NT5DC2: variants seen among roughly 807,000 people sequenced by gnomAD.
The protein encoded by NT5DC2 is 5'-nucleotidase domain-containing protein 2.
In NT5DC2, 41 loss-of-function variants were observed where a neutral mutation model predicts 70.0. The ratio of observed to expected loss-of-function variants is 0.59; its 90% CI spans 0.46 to 0.76. NT5DC2 has a LOEUF of 0.76. Among genes scored for constraint, NT5DC2 ranks in the 30% least tolerant of loss-of-function variants. The pLI, the probability that NT5DC2 is intolerant of heterozygous loss-of-function variation, is 0.00. For missense variants in NT5DC2, 705 were observed against 783.2 expected, an observed-to-expected ratio of 0.90 and a Z score of 1.19; for synonymous variants, 299 against 310.4, an observed-to-expected ratio of 0.96 and a Z score of 0.39.
At position 52,524,518 on chromosome 3, in the gene NT5DC2, G is replaced by A. The variant is rs115820212; in HGVS notation, c.1626C>T (p.Thr542=). Residue 542 remains threonine, a synonymous_variant, in exon 14 of 14, where the codon ACC becomes ACT. Transcript: ENST00000422318. ...CAAGGAAGGGGGTCTTCATGCAGCC[G>A]GTGCAGAGCTGGTCCATCCAGAGGG... ...EAPLWMDQLC[T]GCMKTPFLGD... is the part of the protein sequence containing the mutation. 1,741 of 1,612,960 alleles carry A rather than the reference G, an allele frequency of 1.1e-3. 35 individuals carry two copies. The African/African-American group carries it at 0.012, about 11-fold the overall frequency.
rs374272000 is a variant in NT5DC2 at position 52,528,744 on chromosome 3, GC to G, written c.493-53del. The G allele has an allele frequency of 3.7e-6, 6 of 1,606,136 alleles. No individual in the cohort carries two copies. The African/African-American group carries it at 8.0e-5, about 21-fold the overall frequency. On this transcript the variant is annotated intron_variant, in intron 3 of 13. Transcript: ENST00000422318. ...ATGGTGAGGAGGCAGTTTCACCGTG[GC>G]CCCAAGCCAGCCTCTTTCAGCCCAT... is the stretch of plus-strand genomic sequence containing the variant.
chr3:52,527,913 C>A lies in NT5DC2; in HGVS notation c.851G>T (p.Gly284Val). 1.2e-6 allele frequency: 2 copies of A among 1,613,604 alleles called. No individual in the cohort carries two copies. The highest frequency in any genetic ancestry group is 1.7e-6 in the Non-Finnish European group (2 of 1,180,022). Reference protein sequence around the residue: ...EQDMEKYILRGDETFAVLSRL... With the variant: ...EQDMEKYILRVDETFAVLSRL... ...GCTCAGGACAGCAAACGTCTCATCC[C>A]CTCTCAGGATGTACTTCTCTAATGG... The change falls in exon 8 of 14, where the codon GGG becomes GTG. Residue 284 changes from glycine (G) to valine (V), a missense_variant. By Grantham distance (109) the Gly-to-Val change is moderately radical. Transcript: ENST00000422318.
upstream of NT5DC2, chr3:52,534,378 G>A (rs1302936986): frequency 1.6e-6 from 2 of 1,225,052 alleles, no homozygotes; most frequent in Admixed American, 1.9e-5. Context: ...AGCCCTTCCC[G>A]CGCTTCCCGG....
Position 52,525,210 on chromosome 3 carries a change from G to T in NT5DC2, c.1205C>A (p.Ala402Glu). The T allele has an allele frequency of 6.2e-7, 1 of 1,610,730 alleles. No individual in the cohort carries two copies. The highest frequency in any genetic ancestry group is 8.5e-7 in the Non-Finnish European group (1 of 1,179,216). Reference protein sequence around the residue: ...YFGDHLYSDLADLMLRHGWRT... With the variant: ...YFGDHLYSDLEDLMLRHGWRT... ...GCAGCCCAGCCCTGCCTCCCTCACC[G>T]CCAGATCACTATAGAGGTGGTCCCC... The change falls in exon 11 of 14, where the codon GCG (alanine) becomes GAG (glutamate). Residue 402 changes from alanine (A) to glutamate (E), a missense_variant and splice_region_variant. By Grantham distance (107) the Ala-to-Glu change is moderately radical. Transcript: ENST00000422318.
At chr3:52,530,701 A>G (rs1250887264) in intron 1 of NT5DC2, among the ~76,000 whole-genome samples, 1 of 152,150 alleles carries the variant, frequency 6.6e-6, no homozygotes, top group Non-Finnish European at 1.5e-5. Context: ...AACATTTTTA[A>G]AAAGAAAAAA....
upstream of NT5DC2, chr3:52,533,928 C>A (rs1238873775): frequency 4.0e-6 from 3 of 758,676 alleles, no homozygotes; most frequent in East Asian, 1.3e-4. Flanking sequence ...GGCCCCGGAC[C>A]CGGCGGGGCG....
chr3:52,526,567 C>T (rs61418167), intron 10 of NT5DC2: 6,501 of 152,392 alleles, frequency 0.043, 400 homozygotes, highest in African/African-American at 0.13. Context: ...TCTAGATCAC[C>T]CAGTGAGCTG....
In NT5DC2 at chr3:52,529,447, A is replaced by G. The variant is rs548530250; in HGVS notation, c.233-113T>C. On this transcript the variant is annotated intron_variant, in intron 1 of 13. Transcript: ENST00000422318. The surrounding 1 kb of genome is among the most constrained non-coding windows in gnomAD (Gnocchi z 4.1). ...CCTGTGAGCCTCAGAAACGCCCCAC[A>G]ATGGCACCTCTTATTCCAGTGCTGG... 5 of 938,782 alleles carry G rather than the reference A, an allele frequency of 5.3e-6. No individual in the cohort carries two copies. In the African/African-American group the frequency reaches 8.1e-5, roughly 15 times the overall value. 58.2% of individuals were successfully genotyped at this position (938,782 alleles called of 1,614,324 possible).
In NT5DC2 at chr3:52,533,741, C is replaced by A. The variant is rs1019768946; in HGVS notation, c.-4G>T. 10,329 of 978,002 alleles carry A rather than the reference C, an allele frequency of 0.011. 59 individuals carry two copies. The highest frequency in any genetic ancestry group is 0.012 in the Non-Finnish European group (9,797 of 826,052). 60.6% of individuals were successfully genotyped at this position (978,002 alleles called of 1,614,324 possible). A position where few individuals can be genotyped will look rare whatever the true frequency, so the allele number is the denominator to read the frequency against. Reference sequence around the variant, plus strand: ...CCCGCAGCCCCGCACCCGCCATGCCCACCGCGCGCCGCCCGCCGCCCGCGC... The same window carrying A: ...CCCGCAGCCCCGCACCCGCCATGCCAACCGCGCGCCGCCCGCCGCCCGCGC... On this transcript the variant is annotated 5_prime_UTR_variant, in exon 1 of 14. Coordinates refer to ENST00000422318, the MANE Select transcript of NT5DC2 (RefSeq NM_001134231.2).
chr3:52,534,682 C>T, upstream of NT5DC2: 1 of 1,586,820 alleles, frequency 6.3e-7, no homozygotes, highest in Non-Finnish European at 8.6e-7. Flanking sequence ...TATTCCGAGC[C>T]CGCACGCATA....
At chr3:52,533,929 C>CGGCGG (rs900912486), upstream of NT5DC2, 1,246 of 736,124 alleles carry the variant, frequency 1.7e-3, 19 homozygotes, top group African/African-American at 0.02. Flanking sequence ...GCCCCGGACC[C>CGGCGG]GGCGGGGCGG....
chr3:52,533,543 T>G lies in NT5DC2; in HGVS notation c.195A>C (p.Leu65=). The G allele has an allele frequency of 7.1e-7, 1 of 1,409,384 alleles. No individual in the cohort carries two copies. 87.3% of individuals were successfully genotyped at this position (1,409,384 alleles called of 1,614,324 possible). A position where few individuals can be genotyped will look rare whatever the true frequency, so the allele number is the denominator to read the frequency against. ...PTSGADLSAH[L]WARYQDMRRL... ...TCCGCATGTCCTGGTAGCGAGCCCA[T>G]AGGTGCGCGCTGAGGTCGGCGCCGC... The change falls in exon 1 of 14, where the codon CTA becomes CTC. Residue 65 remains leucine (L), a synonymous_variant. Transcript: ENST00000422318.
upstream of NT5DC2, chr3:52,534,234 C>T (rs1447605626): frequency 4.1e-6 from 2 of 484,958 alleles, no homozygotes; most frequent in Non-Finnish European, 7.6e-6. Context: ...TGCTTCTGAC[C>T]CCAGATCCTC....
chr3:52,525,144 C>T (rs1393180933), intron 11 of NT5DC2, 41 bp from the exon 12 acceptor site: 1 of 275,716 alleles, frequency 3.6e-6, no homozygotes, highest in South Asian at 3.2e-5. Flanking sequence ...GCGCCAGTTG[C>T]TGGGGGCGGG....
In NT5DC2 at chr3:52,527,207, TTCTTCA is replaced by T. The variant is rs1267430359; in HGVS notation, c.1119+81_1119+86del. The T allele has an allele frequency of 2.1e-4, 270 of 1,270,920 alleles. No homozygotes were observed. The African/African-American group carries it at 3.5e-3, about 17-fold the overall frequency. The allele number at this position is 1,270,920 out of a possible 1,614,324, so 78.7% of individuals were successfully genotyped here. On this transcript the variant is annotated intron_variant, in intron 10 of 13. Transcript: ENST00000422318. ...GCTCAGGGCCAAGGAGCTGTGCTGC[TTCTTCA>T]GAGGCTGCCTCTGCACAGCCTGGGG...
At chr3:52,533,934 G>A, upstream of NT5DC2, 1 of 619,156 alleles carries the variant, frequency 1.6e-6, no homozygotes, top group Non-Finnish European at 2.0e-6. Context: ...GGACCCGGCG[G>A]GGCGGGGCGG....
Position 52,531,230 on chromosome 3 carries a change from C to G in NT5DC2, c.233-1896G>C, listed in dbSNP as rs570416163. ...GCTGGTTCCCCAGGCCAGCACAGAG[C>G]GGCTGCTCCGAAGATCTGTGGGTGT... On this transcript the variant is annotated intron_variant, in intron 1 of 13. Transcript: ENST00000422318. This position sits in a 1 kb window ranked among gnomAD's most constrained non-coding sequence, Gnocchi z 4.1. Among the ~76,000 whole-genome samples the G allele has an allele frequency of 1.3e-5, 2 of 152,254 alleles. No individual in the cohort carries two copies. The highest frequency in any genetic ancestry group is 2.9e-5 in the Non-Finnish European group (2 of 68,000).
Position 52,533,822 on chromosome 3 carries a change from A to G in NT5DC2, c.-85T>C. ...GCCGCCCTCCGACTGCGCGCCCGCC[A>G]CGGTGGCCTCGTGCTCCTCACGGCG... On this transcript the variant is annotated 5_prime_UTR_variant, in exon 1 of 14. Transcript: ENST00000422318. The G allele has an allele frequency of 2.0e-6, 2 of 978,510 alleles. No homozygotes were observed. The highest frequency in any genetic ancestry group is 2.4e-6 in the Non-Finnish European group (2 of 827,258). The allele number at this position is 978,510 out of a possible 1,614,324, so 60.6% of individuals were successfully genotyped here.
At chr3:52,527,560 T>A (rs913860271) in intron 9 of NT5DC2, 57 bp downstream of exon 9, 2 of 1,577,244 alleles carry the variant, frequency 1.3e-6, no homozygotes, top group African/African-American at 2.7e-5. Context: ...AGTCCCCTCA[T>A]TGGGGTGGGG....
Sources: allele counts gnomAD v4.1 joint callset (sites outside exome capture counted in the v4.1 genomes callset), GRCh38; gene constraint gnomAD v4.1.1; non-coding constraint Gnocchi (gnomAD v3.1); transcripts MANE v1.5; gene names NCBI Gene and HGNC (gene_info 2026-07-23, HGNC 2026-07-21).